The following IGSF21 variants were observed in gnomAD, a reference collection of about 807,000 sequenced individuals.
The protein encoded by IGSF21 is immunoglobulin superfamily member 21.
In IGSF21, 28 loss-of-function variants were observed where a neutral mutation model predicts 46.8. The observed-to-expected ratio is 0.60, with a 90% CI of 0.44 to 0.82. The LOEUF (loss-of-function observed/expected upper bound fraction) is 0.82. IGSF21 is among the 40% of genes least tolerant of loss of function. The probability of loss-of-function intolerance (pLI) is 0.00; values close to 1 mark genes in which losing one functional copy is unlikely to be tolerated. For missense variants in IGSF21, 624 were observed against 665.5 expected, an observed-to-expected ratio of 0.94 and a Z score of 0.69; for synonymous variants, 284 against 273.6, an observed-to-expected ratio of 1.04 and a Z score of -0.38.
chr1:18,177,698 G>A (rs2086816338), intron 1 of IGSF21, among the ~76,000 whole-genome samples: 1 of 152,144 alleles, frequency 6.6e-6, no homozygotes, highest in African/African-American at 2.4e-5. Flanking sequence ...ACTTGAACAA[G>A]GAATTCCCCA....
chr1:18,150,775 G>A lies in IGSF21; in HGVS notation c.70+42577G>A, dbSNP rs574431943. Among the ~76,000 whole-genome samples, 11 of 152,336 alleles carry A rather than the reference G, an allele frequency of 7.2e-5. 1 individual carries two copies. In the South Asian group the frequency reaches 2.1e-3, roughly 29 times the overall value. On this transcript the variant is annotated intron_variant, in intron 1 of 9. Coordinates refer to ENST00000251296, the MANE Select transcript of IGSF21 (RefSeq NM_032880.5). ...TCAAGATACCCCATCAGGGACTCCA[G>A]CACTTTCACTGGGGCAGTTGCCCCC...
chr1:18,252,282 C>T (rs2084850736), intron 2 of IGSF21, among the ~76,000 whole-genome samples: 1 of 152,014 alleles, frequency 6.6e-6, no homozygotes, highest in African/African-American at 2.4e-5. Flanking sequence ...ATCTCCTGAC[C>T]TCGCGATCCA....
intron 1 of IGSF21, among the ~76,000 whole-genome samples, chr1:18,118,875 C>CTCCCTCCCTCCCTTCTTTCTTTCCT (rs2086209653): frequency 6.6e-6 from 1 of 151,896 alleles, no homozygotes; most frequent in Admixed American, 6.6e-5. Context: ...TAGTCTCTTC[C>CTCCCTCCCTCCCTTCTTTCTTTCCT]TCCCTCCCTC....
At chr1:18,311,771 C>T (rs938310777) in intron 3 of IGSF21, among the ~76,000 whole-genome samples, 1 of 152,172 alleles carries the variant, frequency 6.6e-6, no homozygotes, top group African/African-American at 2.4e-5. Context: ...AAAGGGATTT[C>T]CCTTTATAAA....
chr1:18,325,284 G>T (rs1386765416), intron 3 of IGSF21, among the ~76,000 whole-genome samples: 2 of 152,178 alleles, frequency 1.3e-5, no homozygotes, highest in Non-Finnish European at 2.9e-5. Flanking sequence ...TTAGGCAGCT[G>T]CCCTGTGTCA....
chr1:18,205,876 C>T (rs761299586), intron 1 of IGSF21, among the ~76,000 whole-genome samples: 5 of 152,220 alleles, frequency 3.3e-5, no homozygotes, highest in Non-Finnish European at 5.9e-5. Context: ...TGCTATGTTA[C>T]AGAATGGTTG....
intron 2 of IGSF21, among the ~76,000 whole-genome samples, chr1:18,263,686 G>C (rs1421394751): frequency 3.3e-5 from 5 of 152,124 alleles, no homozygotes; most frequent in Admixed American, 1.3e-4. Context: ...GTTGCGAAAA[G>C]TGCGGATTCC....
intron 2 of IGSF21, among the ~76,000 whole-genome samples, chr1:18,263,449 A>G (rs960999344): frequency 6.6e-6 from 1 of 151,924 alleles, no homozygotes; most frequent in Non-Finnish European, 1.5e-5. Flanking sequence ...AACCAGGCGA[A>G]TGCACATCTG....
At chr1:18,291,274 C>G (rs766873703) in intron 2 of IGSF21, among the ~76,000 whole-genome samples, 15 of 152,198 alleles carry the variant, frequency 9.9e-5, no homozygotes, top group Non-Finnish European at 1.9e-4. Context: ...ACTTCATGTC[C>G]TCTCTCCTGG....
intron 1 of IGSF21, among the ~76,000 whole-genome samples, chr1:18,156,703 C>T (rs997197469): frequency 1.3e-5 from 2 of 152,198 alleles, no homozygotes; most frequent in Non-Finnish European, 1.5e-5. Flanking sequence ...GTTGAGCTGC[C>T]ACTAACAGCC....
chr1:18,252,946 C>G, intron 2 of IGSF21, among the ~76,000 whole-genome samples: 1 of 152,110 alleles, frequency 6.6e-6, no homozygotes. Flanking sequence ...ACCTTTAGCT[C>G]AGAGCTTGAT....
At chr1:18,340,167 C>A (rs907133939) in intron 4 of IGSF21, among the ~76,000 whole-genome samples, 1 of 152,034 alleles carries the variant, frequency 6.6e-6, no homozygotes, top group African/African-American at 2.4e-5. Flanking sequence ...GCACCTAGTA[C>A]ATTGCAGGCA....
At chr1:18,292,111 A>C in intron 3 of IGSF21, 124 bp downstream of exon 3, 1 of 1,017,556 alleles carries the variant, frequency 9.8e-7, no homozygotes, top group Non-Finnish European at 1.5e-6. Context: ...GGAAGGCAGA[A>C]CTGGGGGCTC....
chr1:18,133,666 G>A (rs962433911), intron 1 of IGSF21, among the ~76,000 whole-genome samples: 1 of 152,240 alleles, frequency 6.6e-6, no homozygotes, highest in Non-Finnish European at 1.5e-5. Flanking sequence ...ATGGCACGGA[G>A]CTCAGAATAC....
chr1:18,151,579 G>T (rs984193488), intron 1 of IGSF21, among the ~76,000 whole-genome samples: 4 of 152,192 alleles, frequency 2.6e-5, no homozygotes, highest in Admixed American at 2.0e-4. Context: ...GAGGGACAGT[G>T]CATGCCACAT....
intron 1 of IGSF21, among the ~76,000 whole-genome samples, chr1:18,159,346 C>T (rs1162190632): frequency 6.6e-6 from 1 of 152,170 alleles, no homozygotes; most frequent in African/African-American, 2.4e-5. Flanking sequence ...AATCAATGGG[C>T]CCTTCACAGC....
intron 1 of IGSF21, among the ~76,000 whole-genome samples, chr1:18,142,449 T>C (rs1304518633): frequency 1.3e-5 from 2 of 152,176 alleles, no homozygotes; most frequent in Non-Finnish European, 2.9e-5. Context: ...CTACCCTTAC[T>C]TGATCACCTG....
intron 1 of IGSF21, among the ~76,000 whole-genome samples, chr1:18,211,170 C>G (rs191712201): frequency 6.6e-6 from 1 of 152,204 alleles, no homozygotes; most frequent in African/African-American, 2.4e-5. Context: ...CTGTGCCTGG[C>G]CTTCCCTGGA....
intron 1 of IGSF21, among the ~76,000 whole-genome samples, chr1:18,119,121 C>T (rs2086211788): frequency 6.6e-6 from 1 of 152,082 alleles, no homozygotes; most frequent in Admixed American, 6.5e-5. Context: ...CCCTTCTTTC[C>T]TTCCTCCCTT....
Sources: allele counts gnomAD v4.1 joint callset (sites outside exome capture counted in the v4.1 genomes callset), GRCh38; gene constraint gnomAD v4.1.1; transcripts MANE v1.5; gene names NCBI Gene and HGNC (gene_info 2026-07-23, HGNC 2026-07-21).